BNC2: variants seen among roughly 807,000 people sequenced by gnomAD.
BNC2 encodes the protein zinc finger protein basonuclin-2.
BNC2 carries 20 observed loss-of-function variants against 76.3 expected under a neutral mutation model. That is an observed-to-expected ratio of 0.26 (90% CI 0.18 to 0.38). The LOEUF (loss-of-function observed/expected upper bound fraction) is 0.38, where lower values mean the gene tolerates loss of function less well. Ranked by LOEUF, BNC2 falls within the 10% of genes least tolerant of loss-of-function variation. The pLI is 1.00. For missense variants in BNC2, 1,382 were observed against 1,399.8 expected (o/e 0.99, Z 0.20); for synonymous variants, 582 against 514.8 (o/e 1.13, Z -1.77).
intron 5 of BNC2, among the ~76,000 whole-genome samples, chr9:16,483,515 G>T (rs1822102349): frequency 6.6e-6 from 1 of 152,116 alleles, no homozygotes; most frequent in East Asian, 1.9e-4. Context: ...AATTAGCAAT[G>T]ATTACATGGT....
At chr9:16,866,924 T>C (rs1819558927) in intron 1 of BNC2, among the ~76,000 whole-genome samples, 1 of 152,176 alleles carries the variant, frequency 6.6e-6, no homozygotes, top group South Asian at 2.1e-4. Flanking sequence ...CCACTCTGTT[T>C]CTTGTAAGGA....
intron 3 of BNC2, among the ~76,000 whole-genome samples, chr9:16,722,689 CCA>C (rs1402654991): frequency 6.6e-6 from 1 of 152,124 alleles, no homozygotes; most frequent in African/African-American, 2.4e-5. Flanking sequence ...AAAATAAACT[CCA>C]AATTTGTGCA....
intron 5 of BNC2, among the ~76,000 whole-genome samples, chr9:16,523,696 G>A (rs1228321431): frequency 3.3e-5 from 5 of 152,102 alleles, no homozygotes; most frequent in East Asian, 3.9e-4. Flanking sequence ...AGGCCGAGGC[G>A]GGCGGATCAC....
chr9:16,450,718 G>A (rs1405617221), intron 5 of BNC2, among the ~76,000 whole-genome samples: 3 of 152,186 alleles, frequency 2.0e-5, no homozygotes, highest in Non-Finnish European at 4.4e-5. Flanking sequence ...TGAACAGGCT[G>A]GAAGAAACAG....
At chr9:16,445,268 G>T (rs1015312766) in intron 5 of BNC2, among the ~76,000 whole-genome samples, 1 of 152,182 alleles carries the variant, frequency 6.6e-6, no homozygotes, top group African/African-American at 2.4e-5. Flanking sequence ...GGAGGAAGAT[G>T]CACCGCTAGC....
At chr9:16,592,477 G>A (rs1300579587) in intron 3 of BNC2, among the ~76,000 whole-genome samples, 1 of 152,172 alleles carries the variant, frequency 6.6e-6, no homozygotes, top group Non-Finnish European at 1.5e-5. Context: ...GAAATGTTCA[G>A]AAGAGGGAAA....
chr9:16,665,386 A>AGAGAGAGAGAGAGAG (rs369857371), intron 3 of BNC2, among the ~76,000 whole-genome samples: 5 of 84,288 alleles, frequency 5.9e-5, no homozygotes, highest in African/African-American at 2.4e-4. Context: ...AAAAAAAAAA[A>AGAGAGAGAGAGAGAG]AGAGAGAGAG....
At chr9:16,785,557 GCT>G (rs541035994) in intron 1 of BNC2, among the ~76,000 whole-genome samples, 1 of 80,578 alleles carries the variant, frequency 1.2e-5, no homozygotes, top group Non-Finnish European at 2.3e-5. Flanking sequence ...ACTACACCCG[GCT>G]TTTTTTTTTT....
intron 3 of BNC2, among the ~76,000 whole-genome samples, chr9:16,697,328 G>C (rs1457595199): frequency 2.6e-5 from 4 of 152,026 alleles, no homozygotes; most frequent in Non-Finnish European, 5.9e-5. Flanking sequence ...CTAGGTGACA[G>C]AGCGAGACTC....
chr9:16,502,093 T>C (rs1383077221), intron 5 of BNC2, among the ~76,000 whole-genome samples: 1 of 152,092 alleles, frequency 6.6e-6, no homozygotes, highest in South Asian at 2.1e-4. Flanking sequence ...GGGGGTCTAG[T>C]GGTTTATGCC....
intron 3 of BNC2, among the ~76,000 whole-genome samples, chr9:16,633,896 G>A (rs1793067369): frequency 6.6e-6 from 1 of 152,160 alleles, no homozygotes; most frequent in Non-Finnish European, 1.5e-5. Flanking sequence ...TTCAGTGGGT[G>A]CCAAATATAT....
At chr9:16,789,399 A>C (rs1817438561) in intron 1 of BNC2, among the ~76,000 whole-genome samples, 1 of 151,948 alleles carries the variant, frequency 6.6e-6, no homozygotes, top group Non-Finnish European at 1.5e-5. Context: ...CTAGGGGAAA[A>C]CCCTATAGAC....
intron 4 of BNC2, among the ~76,000 whole-genome samples, chr9:16,578,203 AAAC>A (rs1464988986): frequency 1.3e-5 from 2 of 152,204 alleles, no homozygotes; most frequent in Non-Finnish European, 2.9e-5. Context: ...CATGGGATAA[AAAC>A]AATTTTCCAG....
At chr9:16,645,366 G>A (rs573453501) in intron 3 of BNC2, among the ~76,000 whole-genome samples, 1 of 152,258 alleles carries the variant, frequency 6.6e-6, no homozygotes, top group Non-Finnish European at 1.5e-5. Context: ...CATGTTCTAA[G>A]ACCCTTAAAT....
intron 3 of BNC2, among the ~76,000 whole-genome samples, chr9:16,659,453 C>CA (rs1204713414): frequency 2.0e-5 from 3 of 152,032 alleles, no homozygotes; most frequent in East Asian, 1.9e-4. Flanking sequence ...ACTAAAAACA[C>CA]AAAAATTAGC....
At chr9:16,428,618 T>C (rs1393254984) in intron 6 of BNC2, among the ~76,000 whole-genome samples, 3 of 152,312 alleles carry the variant, frequency 2.0e-5, no homozygotes, top group Non-Finnish European at 4.4e-5. Context: ...ATATATGCAA[T>C]AGCAATACCG....
At chr9:16,477,974 C>A (rs1487978635) in intron 5 of BNC2, among the ~76,000 whole-genome samples, 2 of 152,088 alleles carry the variant, frequency 1.3e-5, no homozygotes, top group African/African-American at 4.8e-5. Flanking sequence ...TAGAAAAAGA[C>A]TTGAGCGGGC....
chr9:16,533,890 A>C (rs1232545600), intron 5 of BNC2, among the ~76,000 whole-genome samples: 1 of 152,154 alleles, frequency 6.6e-6, no homozygotes, highest in African/African-American at 2.4e-5. Flanking sequence ...TTAGAGAGAA[A>C]CATAATCTAA....
chr9:16,706,448 T>C (rs1823676170), intron 3 of BNC2, among the ~76,000 whole-genome samples: 5 of 152,226 alleles, frequency 3.3e-5, no homozygotes, highest in Admixed American at 3.3e-4. Context: ...CAGAAGGTGT[T>C]CCAGCTTTAA....
Sources: gnomAD v4.1 joint callset for allele counts (sites outside exome capture counted in the v4.1 genomes callset) on GRCh38, gnomAD v4.1.1 for gene constraint, MANE v1.5 for transcripts, NCBI Gene and HGNC (gene_info 2026-07-23, HGNC 2026-07-21) for gene names.